ZPBP: variants seen among roughly 807,000 people sequenced by gnomAD.
ZPBP encodes the protein zona pellucida binding protein, also known as zona pellucida-binding protein 1.
Under a neutral mutation model 44.8 loss-of-function variants are expected in ZPBP, and 26 were observed. The observed-to-expected ratio is 0.58, with a 90% CI of 0.43 to 0.81. The LOEUF is 0.81. ZPBP is among the 30% of genes least tolerant of loss of function. The pLI is 0.00. For synonymous variants in ZPBP, 174 were observed against 153.2 expected, an observed-to-expected ratio of 1.14 and a Z score of -1.00; for missense variants, 409 against 434.0, an observed-to-expected ratio of 0.94 and a Z score of 0.51.
At chr7:49,843,029 A>C in the ZPBP span, among the ~76,000 whole-genome samples, 8 of 152,262 alleles carry the variant, frequency 5.3e-5, no homozygotes, top group South Asian at 1.7e-3. Flanking sequence ...AGTACCCAAC[A>C]GTTTGTTTTT....
At chr7:49,988,862 G>C (rs905764995) in intron 6 of ZPBP, among the ~76,000 whole-genome samples, 4 of 152,134 alleles carry the variant, frequency 2.6e-5, no homozygotes, top group Non-Finnish European at 4.4e-5. Context: ...CTGAAGTAAT[G>C]TTTTCAGTAA....
intron 2 of ZPBP, among the ~76,000 whole-genome samples, chr7:49,867,741 C>G (rs1443193218): frequency 6.6e-6 from 1 of 152,234 alleles, no homozygotes; most frequent in Non-Finnish European, 1.5e-5. Context: ...TACAAAAGTA[C>G]AAACAGCAGA....
chr7:49,859,498 G>C (rs1790560584), intron 2 of ZPBP, among the ~76,000 whole-genome samples: 1 of 151,816 alleles, frequency 6.6e-6, no homozygotes, highest in South Asian at 2.1e-4. Flanking sequence ...TTTTCTTGTT[G>C]TTCTTCACGT....
At chr7:49,898,613 A>T (rs937204773) in intron 2 of ZPBP, among the ~76,000 whole-genome samples, 3 of 152,106 alleles carry the variant, frequency 2.0e-5, no homozygotes, top group African/African-American at 7.2e-5. Context: ...ACACACACAC[A>T]TACCCATATA....
chr7:49,955,566 A>C (rs1032117519), intron 7 of ZPBP, among the ~76,000 whole-genome samples: 2 of 152,186 alleles, frequency 1.3e-5, no homozygotes, highest in Non-Finnish European at 2.9e-5. Flanking sequence ...CAAAAAAAAA[A>C]CTAAAGAAAG....
intron 4 of ZPBP, among the ~76,000 whole-genome samples, chr7:50,056,770 A>G (rs915481507): frequency 5.3e-5 from 8 of 152,166 alleles, no homozygotes; most frequent in African/African-American, 1.9e-4. Context: ...TCTTCTAATT[A>G]CAAGCAGCCA....
chr7:49,929,996 C>T (rs1794392320), intron 1 of ZPBP, among the ~76,000 whole-genome samples: 1 of 152,190 alleles, frequency 6.6e-6, no homozygotes, highest in Admixed American at 6.5e-5. Flanking sequence ...ACTTTCTAGT[C>T]TCCCTTATAG....
In ZPBP at chr7:50,037,124, T is replaced by G. The variant is rs1016521752; in HGVS notation, c.488-5814A>C. Among the ~76,000 whole-genome samples, 2 of 152,182 alleles carry G rather than the reference T, an allele frequency of 1.3e-5. 1 individual carries two copies. The highest frequency in any genetic ancestry group is 2.9e-5 in the Non-Finnish European group (2 of 68,014). Reference sequence around the variant, plus strand: ...TTTACTCATAATATGAATACTATAATGTGTGCAAGAAGAAATAAACTGAAT... The same window carrying G: ...TTTACTCATAATATGAATACTATAAGGTGTGCAAGAAGAAATAAACTGAAT... On this transcript the variant is annotated intron_variant, in intron 4 of 7. Transcript: ENST00000046087.
chr7:50,049,695 C>G (rs1208324853), intron 4 of ZPBP, among the ~76,000 whole-genome samples: 1 of 151,976 alleles, frequency 6.6e-6, no homozygotes, highest in African/African-American at 2.4e-5. Context: ...AAGAAACCCA[C>G]AGCTAACATT....
At chr7:50,075,051 A>G (rs1268560615) in intron 3 of ZPBP, among the ~76,000 whole-genome samples, 2 of 151,992 alleles carry the variant, frequency 1.3e-5, no homozygotes. Context: ...CTTTTTAAAA[A>G]CTGAAATAAT....
At chr7:50,008,052 T>C (rs1798392882) in intron 6 of ZPBP, among the ~76,000 whole-genome samples, 1 of 151,810 alleles carries the variant, frequency 6.6e-6, no homozygotes, top group African/African-American at 2.4e-5. Flanking sequence ...ATAAAATAAA[T>C]CCAAACTATA....
chr7:50,028,771 C>A (rs7797137), intron 5 of ZPBP, among the ~76,000 whole-genome samples: 75,338 of 151,766 alleles, frequency 0.5, 19,302 homozygotes, highest in East Asian at 0.67. Context: ...CTTAGAAATA[C>A]ATTTGTCAAG....
At chr7:49,867,635 C>T (rs1350929456) in intron 2 of ZPBP, among the ~76,000 whole-genome samples, 1 of 152,162 alleles carries the variant, frequency 6.6e-6, no homozygotes, top group African/African-American at 2.4e-5. Context: ...CATTCACCCT[C>T]CTGAACTCTA....
intron 7 of ZPBP, among the ~76,000 whole-genome samples, chr7:49,973,996 A>C (rs1796402461): frequency 2.6e-5 from 4 of 152,186 alleles, no homozygotes; most frequent in Admixed American, 6.5e-5. Context: ...AGGCTACCAC[A>C]TGAATGAACC....
intron 7 of ZPBP, among the ~76,000 whole-genome samples, chr7:49,981,855 GA>G (rs1444903833): frequency 2.6e-5 from 1 of 39,142 alleles, no homozygotes; most frequent in Non-Finnish European, 4.1e-5. Context: ...ATAATTATAT[GA>G]ATTATATAGA....
chr7:49,845,631 G>A (rs1789922995), downstream of ZPBP, among the ~76,000 whole-genome samples: 1 of 152,198 alleles, frequency 6.6e-6, no homozygotes, highest in Non-Finnish European at 1.5e-5. Flanking sequence ...TTCAAATACA[G>A]AAATTCCTAA....
intron 6 of ZPBP, among the ~76,000 whole-genome samples, chr7:50,012,802 A>G (rs10233420): frequency 0.79 from 119,459 of 150,268 alleles, 47,640 homozygotes; most frequent in East Asian, 0.87. Context: ...CAGAGAAAAC[A>G]GAATACATAA....
intron 5 of ZPBP, among the ~76,000 whole-genome samples, chr7:50,020,777 G>T (rs933500393): frequency 6.6e-6 from 1 of 152,024 alleles, no homozygotes; most frequent in Admixed American, 6.6e-5. Context: ...ATCAACTTTT[G>T]TCAGAACTCC....
chr7:49,935,701 GCATCAATTTCTA>G (rs1794601200), downstream of ZPBP: 1 of 152,230 alleles, frequency 6.6e-6, no homozygotes, highest in African/African-American at 2.4e-5. Flanking sequence ...TCGGCCCTTT[GCATCAATTTCTA>G]CAGCTTGTTT....
Sources: gnomAD v4.1 joint callset for allele counts (sites outside exome capture counted in the v4.1 genomes callset) on GRCh38, gnomAD v4.1.1 for gene constraint, MANE v1.5 for transcripts, NCBI Gene and HGNC (gene_info 2026-07-23, HGNC 2026-07-21) for gene names.